The following FBXO11 variants were observed in gnomAD, a reference collection of about 807,000 sequenced individuals.
The protein encoded by FBXO11 is F-box only protein 11.
Under a neutral mutation model 117.0 loss-of-function variants are expected in FBXO11, and 13 were observed. The observed-to-expected ratio is 0.11, with a 90% CI of 0.07 to 0.18. The LOEUF (loss-of-function observed/expected upper bound fraction) is 0.18. FBXO11 is among the 10% of genes least tolerant of loss of function. FBXO11 has a pLI of 1.00. For missense variants in FBXO11, 767 were observed against 1,164.4 expected, an observed-to-expected ratio of 0.66 and a Z score of 4.97; for synonymous variants, 490 against 380.5, an observed-to-expected ratio of 1.29 and a Z score of -3.35.
chr2:47,867,497 A>T (rs1572873720), intron 1 of FBXO11, among the ~76,000 whole-genome samples: 1 of 152,358 alleles, frequency 6.6e-6, no homozygotes, highest in Non-Finnish European at 1.5e-5. Context: ...GAAGTGCCAG[A>T]TGGAGGAGAG....
chr2:47,868,958 G>A (rs570372103), intron 1 of FBXO11, among the ~76,000 whole-genome samples: 8 of 152,306 alleles, frequency 5.3e-5, no homozygotes, highest in East Asian at 3.9e-4. Context: ...GTCTTACCCC[G>A]TTCCCAGCAT....
At chr2:47,869,970 C>G (rs1675503508) in intron 1 of FBXO11, among the ~76,000 whole-genome samples, 1 of 152,184 alleles carries the variant, frequency 6.6e-6, no homozygotes, top group African/African-American at 2.4e-5. Context: ...AGCCACCAAG[C>G]CTGGCCAAGA....
chr2:47,823,565 C>T (rs1014627825), intron 11 of FBXO11, among the ~76,000 whole-genome samples: 1 of 151,912 alleles, frequency 6.6e-6, no homozygotes, highest in African/African-American at 2.4e-5. Flanking sequence ...CCAGCCTGGC[C>T]AACATGGTGA....
chr2:47,835,986 C>A lies in FBXO11; in HGVS notation c.603G>T (p.Met201Ile). Residue 201 changes from methionine (M) to isoleucine (I), a missense_variant, in exon 5 of 23, where the codon ATG (methionine) becomes ATT (isoleucine). This residue lies in a region of FBXO11 where 355 missense variants were observed against 299.8 expected (regional missense o/e 1.18). Transcript: ENST00000403359. ...NDPILWKRLYMEVFEYTRPMM... is the reference protein window; with the variant it reads ...NDPILWKRLYIEVFEYTRPMM... ...TAGGGCGAGTATATTCAAATACTTC[C>A]ATATATAATCGTTTCCTGAACAGAG... 1 of 1,601,610 alleles carries A rather than the reference C, an allele frequency of 6.2e-7. No homozygotes were observed. Among genetic ancestry groups the A allele is most frequent in the Non-Finnish European group, 8.5e-7 (1 of 1,173,982 alleles).
rs1674868580 is a variant in FBXO11 at position 47,862,676 on chromosome 2, G to A, written c.233-22907C>T. ...TCTCTCTGGATCATCTTTTAGCAGT[G>A]ATCACCACAGTACAAGTACATAAAT... is the stretch of plus-strand genomic sequence containing the variant. On this transcript the variant is annotated intron_variant, in intron 1 of 22. Coordinates refer to ENST00000403359, the MANE Select transcript of FBXO11 (RefSeq NM_001190274.2). Among the ~76,000 whole-genome samples the A allele has an allele frequency of 2.0e-5, 3 of 152,242 alleles. No homozygotes were observed. The South Asian group carries it at 6.2e-4, about 32-fold the overall frequency.
intron 1 of FBXO11, among the ~76,000 whole-genome samples, chr2:47,874,970 TG>T (rs1177116501): frequency 6.6e-6 from 1 of 152,152 alleles, no homozygotes; most frequent in Non-Finnish European, 1.5e-5. Flanking sequence ...ATATTTTCTT[TG>T]TCAAAACGTC....
At chr2:47,836,348 T>C (rs1490526898) in intron 4 of FBXO11, among the ~76,000 whole-genome samples, 1 of 152,172 alleles carries the variant, frequency 6.6e-6, no homozygotes, top group Non-Finnish European at 1.5e-5. Flanking sequence ...TTCAGTGTAG[T>C]TGCATATGGA....
chr2:47,864,158 T>C (rs1203997163), intron 1 of FBXO11, among the ~76,000 whole-genome samples: 2 of 152,218 alleles, frequency 1.3e-5, no homozygotes, highest in African/African-American at 2.4e-5. Flanking sequence ...ATAACTATGG[T>C]AGTTAAACAG....
At chr2:47,829,073 C>T (rs910513530) in intron 11 of FBXO11, among the ~76,000 whole-genome samples, 2 of 151,846 alleles carry the variant, frequency 1.3e-5, no homozygotes, top group Non-Finnish European at 2.9e-5. Flanking sequence ...AGGCACACGC[C>T]ACCACGAGGC....
At chr2:47,905,232 G>T in intron 1 of FBXO11, 2 of 246,442 alleles carry the variant, frequency 8.1e-6, no homozygotes, top group Non-Finnish European at 1.5e-5. Flanking sequence ...TGGGGGTGGA[G>T]GGTGCTGAGC....
In FBXO11 at chr2:47,835,906, T is replaced by G. The variant is rs1398888171; in HGVS notation, c.683A>C (p.His228Pro). The change falls in exon 5 of 23, where the codon CAT (histidine) becomes CCT (proline). Residue 228 changes from histidine to proline, a missense_variant. By Grantham distance (77) the His-to-Pro change is moderately conservative. Transcript: ENST00000403359. ...FYQINPEEYE[H>P]PNPWKESFQQ... ...GAAACTCTCTTTCCAGGGATTTGGA[T>G]GTTCATACTCTTCTGGATTAATCTG... 10 of 1,611,232 alleles carry G rather than the reference T, an allele frequency of 6.2e-6. No individual in the cohort carries two copies. Among genetic ancestry groups the G allele is most frequent in the Non-Finnish European group, 8.5e-6 (10 of 1,177,964 alleles).
chr2:47,818,748 C>T, intron 16 of FBXO11, 31 bp downstream of exon 16: 7 of 1,527,424 alleles, frequency 4.6e-6, no homozygotes, highest in Non-Finnish European at 6.2e-6. Context: ...TAACTCCCTC[C>T]CAAAAGATAG....
At position 47,808,339 on chromosome 2, in the gene FBXO11, T is replaced by G; in HGVS notation, c.2644A>C (p.Arg882=). 6.2e-7 allele frequency: 1 copy of G among 1,612,204 alleles called. No individual in the cohort carries two copies. Among genetic ancestry groups the G allele is most frequent in the Non-Finnish European group, 8.5e-7 (1 of 1,179,044 alleles). Residue 882 remains arginine (R), a synonymous_variant, in exon 22 of 23, where the codon AGA becomes CGA. Coordinates refer to ENST00000403359, the MANE Select transcript of FBXO11 (RefSeq NM_001190274.2). ...AAGTGTGCTACATACCTATCATGTC[T>G]AATAAACTCTACATCATGTCCCTGA... ...CHQGHDVEFI[R]HDRFFCDCGA... is the part of the protein sequence containing the mutation.
intron 11 of FBXO11, among the ~76,000 whole-genome samples, chr2:47,828,313 T>G (rs901591118): frequency 6.6e-6 from 1 of 152,168 alleles, no homozygotes; most frequent in Non-Finnish European, 1.5e-5. Context: ...ACCACAAAAG[T>G]TCCAACATGT....
At chr2:47,839,589 T>C in intron 2 of FBXO11, 53 bp downstream of exon 2, 3 of 1,605,896 alleles carry the variant, frequency 1.9e-6, no homozygotes, top group South Asian at 2.2e-5. Flanking sequence ...CCCTTTTTTG[T>C]TTCTTGAAAA....
chr2:47,812,830 CA>C (rs1670720457), intron 18 of FBXO11: 1 of 242,242 alleles, frequency 4.1e-6, no homozygotes, highest in South Asian at 4.8e-5. Context: ...CACTCTCCAA[CA>C]AACACAGTTG....
intron 1 of FBXO11, among the ~76,000 whole-genome samples, chr2:47,843,838 T>A (rs1341887102): frequency 2.0e-5 from 3 of 152,170 alleles, no homozygotes. Context: ...CCTCCTGGGT[T>A]CAAGCTATTC....
At chr2:47,842,078 C>T (rs1408614054) in intron 1 of FBXO11, among the ~76,000 whole-genome samples, 7 of 148,482 alleles carry the variant, frequency 4.7e-5, no homozygotes, top group Non-Finnish European at 9.0e-5. Context: ...TGCAGTTGCG[C>T]GATCTCGGCT....
chr2:47,903,122 A>C (rs1678424925), intron 1 of FBXO11, among the ~76,000 whole-genome samples: 1 of 152,220 alleles, frequency 6.6e-6, no homozygotes, highest in Admixed American at 6.5e-5. Context: ...TGAATCGGAC[A>C]TTTAAAAAAA....
Sources: allele counts gnomAD v4.1 joint callset (sites outside exome capture counted in the v4.1 genomes callset), GRCh38; gene constraint gnomAD v4.1.1; regional missense constraint gnomAD v4.1.1; transcripts MANE v1.5; gene names NCBI Gene and HGNC (gene_info 2026-07-23, HGNC 2026-07-21).